Variants in PTGR2 observed in about 807,000 individuals in gnomAD.
PTGR2 encodes the protein prostaglandin reductase 2, also known as 15-oxoprostaglandin 13-reductase.
In PTGR2, 32 loss-of-function variants were observed where a neutral mutation model predicts 43.4. That is an observed-to-expected ratio of 0.74 (90% CI 0.56 to 0.99). The LOEUF is 0.99. Among genes scored for constraint, PTGR2 ranks in the 50% least tolerant of loss-of-function variants. The pLI, the probability that PTGR2 is intolerant of heterozygous loss-of-function variation, is 0.00. For synonymous variants in PTGR2, 106 were observed against 139.2 expected (o/e 0.76, Z 1.68); for missense variants, 373 against 420.0 (o/e 0.89, Z 0.98).
At chr14:73,856,515 T>C (rs1011844572) in intron 1 of PTGR2, among the ~76,000 whole-genome samples, 1 of 152,216 alleles carries the variant, frequency 6.6e-6, no homozygotes, top group African/African-American at 2.4e-5. Flanking sequence ...CCTCCCAAAG[T>C]GCTGGGATTA....
At position 73,860,575 on chromosome 14, in the gene PTGR2, T is replaced by A; in HGVS notation, c.74T>A (p.Met25Lys). 6.3e-7 allele frequency: 1 copy of A among 1,581,598 alleles called. No homozygotes were observed. Among genetic ancestry groups the A allele is most frequent in the Non-Finnish European group, 8.6e-7 (1 of 1,158,486 alleles). ...AATCCAGTGGCAGAGAATTTCCGAA[T>A]GGAAGAAGTCTATTTACCAGATAAT... ...NGNPVAENFR[M>K]EEVYLPDNIN... The change falls in exon 3 of 10, where the codon ATG becomes AAG. Residue 25 changes from methionine to lysine, a missense_variant. Physicochemically the swap from Met to Lys is moderately conservative, Grantham distance 95 (BLOSUM62 -1). Coordinates refer to ENST00000555661, the MANE Select transcript of PTGR2 (RefSeq NM_001146154.2).
chr14:73,871,341 C>CTTTTT (rs869073652), intron 3 of PTGR2, among the ~76,000 whole-genome samples: 2 of 67,878 alleles, frequency 2.9e-5, no homozygotes. Context: ...GGCTGTTCAT[C>CTTTTT]TTTTTTTTTT....
intron 1 of PTGR2, among the ~76,000 whole-genome samples, chr14:73,855,948 T>C (rs913110339): frequency 8.0e-5 from 12 of 150,730 alleles, no homozygotes; most frequent in African/African-American, 2.9e-4. Flanking sequence ...CCCAGCTACT[T>C]GGGAGGCTGA....
At chr14:73,882,840 A>T (rs1176799666) in intron 9 of PTGR2, among the ~76,000 whole-genome samples, 11 of 35,800 alleles carry the variant, frequency 3.1e-4, no homozygotes, top group South Asian at 8.9e-4. Context: ...TTTTTTTTTG[A>T]GACGGAGTCT....
At chr14:73,870,090 G>C (rs2045259766) in intron 3 of PTGR2, among the ~76,000 whole-genome samples, 1 of 151,818 alleles carries the variant, frequency 6.6e-6, no homozygotes, top group African/African-American at 2.4e-5. Context: ...CCAGCTACTT[G>C]GGAGACTTGA....
intron 1 of PTGR2, among the ~76,000 whole-genome samples, chr14:73,857,596 A>G (rs1247319179): frequency 6.8e-6 from 1 of 146,814 alleles, no homozygotes. Context: ...CTTGGGTGAC[A>G]GAGTAAGATT....
intron 3 of PTGR2, among the ~76,000 whole-genome samples, chr14:73,863,355 C>T (rs144774172): frequency 6.6e-6 from 1 of 152,142 alleles, no homozygotes; most frequent in South Asian, 2.1e-4. Flanking sequence ...GTTGCCCAGG[C>T]TGGAATGCAG....
chr14:73,877,098 T>C lies in PTGR2; in HGVS notation c.449T>C (p.Ile150Thr), dbSNP rs1393583640. 4 of 1,613,984 alleles carry C rather than the reference T, an allele frequency of 2.5e-6. No individual in the cohort carries two copies. In the East Asian group the frequency reaches 6.7e-5, roughly 27 times the overall value. The stretch of plus-strand genomic sequence containing the variant: ...ATTGGGATACAGGAAAAAGGTCATA[T>C]AACTGCTGGATCTAATAAGACAATG... ...SLIGIQEKGHITAGSNKTMVV... is the reference protein window; with the variant it reads ...SLIGIQEKGHTTAGSNKTMVV... Residue 150 changes from isoleucine (I) to threonine (T), a missense_variant, in exon 5 of 10, where the codon ATA becomes ACA. Ile to Thr is a moderately conservative substitution (Grantham distance 89). Transcript: ENST00000555661.
In PTGR2 at chr14:73,868,802, A is replaced by C. The variant is rs1307340103; in HGVS notation, c.157-5221A>C. Among the ~76,000 whole-genome samples, 9 of 150,976 alleles carry C rather than the reference A, an allele frequency of 6.0e-5. No individual in the cohort carries two copies. In the South Asian group the frequency reaches 1.0e-3, roughly 18 times the overall value. The stretch of plus-strand genomic sequence containing the variant: ...ACTTCTTCCTTAAAAAAAAAAAAGA[A>C]GACTCTGGGCCATGCTCTTCCTTGC... On this transcript the variant is annotated intron_variant, in intron 3 of 9. Transcript: ENST00000555661.
At chr14:73,881,729 G>A (rs1283190959) in intron 8 of PTGR2, among the ~76,000 whole-genome samples, 3 of 149,170 alleles carry the variant, frequency 2.0e-5, no homozygotes, top group Admixed American at 1.3e-4. Context: ...TCGAAAATCA[G>A]GAGTTATTAA....
At position 73,876,483 on chromosome 14, in the gene PTGR2, CTTTT is replaced by C. The variant is rs766810794; in HGVS notation, c.349-502_349-499del. On this transcript the variant is annotated intron_variant, in intron 4 of 9. Transcript: ENST00000555661. ...TCTTCTTCTTCTAAGGACATAAGTC[CTTTT>C]TTTTTTTTTTTTGAGATGAAGTCTA... Among the ~76,000 whole-genome samples, 11 of 108,562 alleles carry C rather than the reference CTTTT, an allele frequency of 1.0e-4. 1 individual carries two copies. The highest frequency in any genetic ancestry group is 3.4e-4 in the African/African-American group (10 of 29,710). The allele number at this position is 108,562 out of a possible 152,430, so 71.2% of individuals were successfully genotyped here. A position where few individuals can be genotyped will look rare whatever the true frequency, so the allele number is the denominator to read the frequency against.
chr14:73,878,659 A>C (rs1292321840), intron 5 of PTGR2: 1 of 479,752 alleles, frequency 2.1e-6, no homozygotes, highest in African/African-American at 2.0e-5. Context: ...GTGGATGTTT[A>C]TTTTGACAAT....
In PTGR2 at chr14:73,864,919, G is replaced by A. The variant is rs114462291; in HGVS notation, c.156+4262G>A. ...GATTTAGTCGTATATTTTCTGCTAAGAGTTTTATAGTTTTGCTCTAACATT... is the reference window on the plus strand; with the variant it reads ...GATTTAGTCGTATATTTTCTGCTAAAAGTTTTATAGTTTTGCTCTAACATT... On this transcript the variant is annotated intron_variant, in intron 3 of 9. Transcript: ENST00000555661. Among the ~76,000 whole-genome samples, 1,102 of 152,256 alleles carry A rather than the reference G, an allele frequency of 7.2e-3. 7 individuals are homozygous for A. Among genetic ancestry groups the A allele is most frequent in the African/African-American group, 0.025 (1,059 of 41,558 alleles).
rs1228195756 is a variant in PTGR2 at position 73,882,448 on chromosome 14, A to T, written c.979+10A>T. On this transcript the variant is annotated intron_variant, in intron 9 of 9. Coordinates refer to ENST00000555661, the MANE Select transcript of PTGR2 (RefSeq NM_001146154.2). ...TTGGAAAACATGGGAGGTAAGATGA[A>T]TGTAGACTTATTATATACACATGCT... is the stretch of plus-strand genomic sequence containing the variant. 1 of 1,527,882 alleles carries T rather than the reference A, an allele frequency of 6.5e-7. No individual in the cohort carries two copies. The highest frequency in any genetic ancestry group is 1.1e-5 in the South Asian group (1 of 88,600). 94.6% of individuals were successfully genotyped at this position (1,527,882 alleles called of 1,614,324 possible). A position where few individuals can be genotyped will look rare whatever the true frequency, so the allele number is the denominator to read the frequency against.
chr14:73,863,631 TTG>T (rs2054541616), intron 3 of PTGR2, among the ~76,000 whole-genome samples: 1 of 151,922 alleles, frequency 6.6e-6, no homozygotes. Context: ...TTTTTTTTTT[TTG>T]GCAGACAGTT....
At position 73,851,943 on chromosome 14, in the gene PTGR2, G is replaced by A. The variant is rs952368379; in HGVS notation, c.-48G>A. 6.6e-6 allele frequency: 1 copy of A among 152,214 alleles called. No homozygotes were observed. The highest frequency in any genetic ancestry group is 1.5e-5 in the Non-Finnish European group (1 of 68,084). The allele number at this position is 152,214 out of a possible 1,614,324, so 9.4% of individuals were successfully genotyped here. Reference sequence around the variant, plus strand: ...GATTTCGTTCACCCGGGCTCCACAGGGTCAGTGACGCGCGAGCGGCTCCCG... The same window carrying A: ...GATTTCGTTCACCCGGGCTCCACAGAGTCAGTGACGCGCGAGCGGCTCCCG... On this transcript the variant is annotated splice_region_variant and 5_prime_UTR_variant, in exon 1 of 10. Coordinates refer to ENST00000555661, the MANE Select transcript of PTGR2 (RefSeq NM_001146154.2).
rs766957776 is a variant in PTGR2, at chr14:73,851,957, G to C, written c.-48+14G>C. 2 of 152,254 alleles carry C rather than the reference G, an allele frequency of 1.3e-5. No homozygotes were observed. Among genetic ancestry groups the C allele is most frequent in the African/African-American group, 4.8e-5 (2 of 41,440 alleles). 9.4% of individuals were successfully genotyped at this position (152,254 alleles called of 1,614,324 possible). ...GGGCTCCACAGGGTCAGTGACGCGCGAGCGGCTCCCGCGACTGTGGCTCCC... is the reference window on the plus strand; with the variant it reads ...GGGCTCCACAGGGTCAGTGACGCGCCAGCGGCTCCCGCGACTGTGGCTCCC... On this transcript the variant is annotated intron_variant, in intron 1 of 9. Coordinates refer to ENST00000555661, the MANE Select transcript of PTGR2 (RefSeq NM_001146154.2).
intron 3 of PTGR2, among the ~76,000 whole-genome samples, chr14:73,870,349 T>G (rs1392022442): frequency 6.6e-6 from 1 of 151,982 alleles, no homozygotes; most frequent in Admixed American, 6.6e-5. Context: ...CAGCTAATTT[T>G]TGTATTTTTT....
At position 73,877,149 on chromosome 14, in the gene PTGR2, G is replaced by T; in HGVS notation, c.500G>T (p.Cys167Phe). Residue 167 changes from cysteine to phenylalanine, a missense_variant, in exon 5 of 10, where the codon TGT becomes TTT. Transcript: ENST00000555661. ...GTTGTCAGTGGGGCCGCAGGTGCCTGTGGATCTGTGGCTGGGCAGGTAAAC... is the reference window on the plus strand; with the variant it reads ...GTTGTCAGTGGGGCCGCAGGTGCCTTTGGATCTGTGGCTGGGCAGGTAAAC... The part of the protein sequence containing the change: ...TMVVSGAAGA[C>F]GSVAGQIGHF... 6.2e-7 allele frequency: 1 copy of T among 1,612,116 alleles called. No homozygotes were observed. The highest frequency in any genetic ancestry group is 1.1e-5 in the South Asian group (1 of 90,754).
Sources: allele counts gnomAD v4.1 joint callset (sites outside exome capture counted in the v4.1 genomes callset), GRCh38; gene constraint gnomAD v4.1.1; transcripts MANE v1.5; gene names NCBI Gene and HGNC (gene_info 2026-07-23, HGNC 2026-07-21).